The following PALS1 variants were observed in gnomAD, a reference collection of about 807,000 sequenced individuals.
PALS1 encodes the protein protein associated with LIN7 1, MAGUK p55 family member.
In PALS1, 31 loss-of-function variants were observed where a neutral mutation model predicts 78.9. The ratio of observed to expected loss-of-function variants is 0.39; its 90% CI spans 0.30 to 0.53. The LOEUF is 0.53. PALS1 is among the 20% of genes least tolerant of loss of function. PALS1 has a pLI of 0.67. For synonymous variants in PALS1, 276 were observed against 270.9 expected, an observed-to-expected ratio of 1.02 and a Z score of -0.18; for missense variants, 704 against 826.5, an observed-to-expected ratio of 0.85 and a Z score of 1.82.
intron 13 of PALS1, among the ~76,000 whole-genome samples, chr14:67,322,561 T>A (rs1211875903): frequency 1.3e-5 from 2 of 152,190 alleles, no homozygotes; most frequent in Non-Finnish European, 2.9e-5. Context: ...AAAATGGCTA[T>A]TCTAAAATAG....
At chr14:67,313,284 T>C (rs1330430640) in intron 9 of PALS1, among the ~76,000 whole-genome samples, 1 of 152,192 alleles carries the variant, frequency 6.6e-6, no homozygotes, top group Admixed American at 6.5e-5. Context: ...AGTACAGTCA[T>C]GCATCACTTA....
intron 8 of PALS1, among the ~76,000 whole-genome samples, chr14:67,310,573 C>T (rs1172148877): frequency 6.6e-6 from 1 of 152,116 alleles, no homozygotes; most frequent in Non-Finnish European, 1.5e-5. Context: ...ATTCACTATG[C>T]TATACACTTA....
chr14:67,245,465 A>G (rs907533069), intron 1 of PALS1, among the ~76,000 whole-genome samples: 1 of 152,054 alleles, frequency 6.6e-6, no homozygotes. Flanking sequence ...ACTTTTGCCC[A>G]TTTTTAAATT....
chr14:67,330,194 T>C (rs116096861), intron 14 of PALS1, among the ~76,000 whole-genome samples: 4,413 of 150,380 alleles, frequency 0.029, 87 homozygotes, highest in Non-Finnish European at 0.036. Flanking sequence ...TCAGACACTT[T>C]AGCAAAAGAA....
At chr14:67,325,654 T>C (rs1227155293) in intron 14 of PALS1, among the ~76,000 whole-genome samples, 5 of 152,206 alleles carry the variant, frequency 3.3e-5, no homozygotes, top group Non-Finnish European at 7.3e-5. Context: ...GGATGCGCAC[T>C]AAGGACCAGA....
chr14:67,284,846 A>C (rs2084661541), intron 3 of PALS1, among the ~76,000 whole-genome samples: 1 of 152,124 alleles, frequency 6.6e-6, no homozygotes, highest in African/African-American at 2.4e-5. Flanking sequence ...TTATGGATGA[A>C]TTAATATTCC....
chr14:67,311,412 A>T (rs2085087255), intron 8 of PALS1, among the ~76,000 whole-genome samples: 1 of 152,156 alleles, frequency 6.6e-6, no homozygotes, highest in South Asian at 2.1e-4. Flanking sequence ...TTGAGCCTGA[A>T]CTTGGAATTT....
chr14:67,318,796 G>A (rs1459068892), intron 11 of PALS1, among the ~76,000 whole-genome samples: 2 of 152,136 alleles, frequency 1.3e-5, no homozygotes, highest in African/African-American at 4.8e-5. Flanking sequence ...GGTGGGTCAT[G>A]CCTGTAATCC....
chr14:67,300,396 C>G (rs1350042314), intron 4 of PALS1, among the ~76,000 whole-genome samples: 1 of 146,816 alleles, frequency 6.8e-6, no homozygotes. Flanking sequence ...GGCGCCATCT[C>G]AGCTCACTGC....
At chr14:67,263,720 A>G (rs767382622) in intron 1 of PALS1, among the ~76,000 whole-genome samples, 15 of 152,204 alleles carry the variant, frequency 9.9e-5, no homozygotes, top group Non-Finnish European at 1.8e-4. Context: ...ACTGATGATA[A>G]CTTTGAGGAG....
chr14:67,244,314 A>G (rs144558940), intron 1 of PALS1, among the ~76,000 whole-genome samples: 156 of 152,364 alleles, frequency 1.0e-3, no homozygotes, highest in African/African-American at 3.4e-3. Context: ...TTTCAACATT[A>G]CTAGCTACAG....
At chr14:67,260,759 T>C (rs1289974291) in intron 1 of PALS1, among the ~76,000 whole-genome samples, 1 of 152,178 alleles carries the variant, frequency 6.6e-6, no homozygotes, top group Non-Finnish European at 1.5e-5. Flanking sequence ...AAATAAGTGC[T>C]ATAAGAGTTG....
chr14:67,245,065 T>C (rs2083967829), intron 1 of PALS1, among the ~76,000 whole-genome samples: 1 of 152,162 alleles, frequency 6.6e-6, no homozygotes, highest in Admixed American at 6.5e-5. Context: ...GTGTCTAGAA[T>C]CTTGAAGAGG....
chr14:67,297,251 T>G (rs2084870118), intron 4 of PALS1, among the ~76,000 whole-genome samples: 1 of 152,140 alleles, frequency 6.6e-6, no homozygotes, highest in Non-Finnish European at 1.5e-5. Flanking sequence ...TACCAGTCAG[T>G]GCAATAAAAC....
rs1261805190 is a variant in PALS1, at chr14:67,335,725, C to CTT, written c.*2772_*2773dup. On this transcript the variant is annotated 3_prime_UTR_variant, in exon 15 of 15. Coordinates refer to ENST00000261681, the MANE Select transcript of PALS1 (RefSeq NM_022474.4). ...TCTGTTGTTAATCCCCCTTTGTACT[C>CTT]TTTTCCTGTATCTGCACTGTTATTT... is the stretch of plus-strand genomic sequence containing the variant. 4 of 150,792 alleles carry CTT rather than the reference C, an allele frequency of 2.7e-5. No homozygotes were observed. 9.3% of individuals were successfully genotyped at this position (150,792 alleles called of 1,614,324 possible).
In PALS1 at chr14:67,336,026, C is replaced by A. The variant is rs913488485; in HGVS notation, c.*3070C>A. Among the ~76,000 whole-genome samples, 6 of 152,118 alleles carry A rather than the reference C, an allele frequency of 3.9e-5. No individual in the cohort carries two copies. Among genetic ancestry groups the A allele is most frequent in the African/African-American group, 1.4e-4 (6 of 41,400 alleles). On this transcript the variant is annotated 3_prime_UTR_variant, in exon 15 of 15. Transcript: ENST00000261681. ...GTCCTGTTTCCTTAATTATTAAAAC[C>A]AACAACTAAGTGTATTAAAGATGGA...
Position 67,332,855 on chromosome 14 carries a change from A to G in PALS1, c.1927A>G (p.Ile643Val), listed in dbSNP as rs1290412966. 18 of 1,613,998 alleles carry G rather than the reference A, an allele frequency of 1.1e-5. No homozygotes were observed. The highest frequency in any genetic ancestry group is 2.2e-5 in the South Asian group (2 of 91,090). ...QNNGHYFDTA[I>V]VNSDLDKAYQ... is the part of the protein sequence containing the mutation. ...CAATGGCCACTACTTTGATACGGCA[A>G]TTGTGAATTCCGATCTTGATAAAGC... is the stretch of plus-strand genomic sequence containing the variant. Residue 643 changes from isoleucine to valine, a missense_variant, in exon 15 of 15, where the codon ATT becomes GTT. Coordinates refer to ENST00000261681, the MANE Select transcript of PALS1 (RefSeq NM_022474.4).
At chr14:67,308,970 C>T (rs2085049939) in intron 8 of PALS1, among the ~76,000 whole-genome samples, 1 of 152,052 alleles carries the variant, frequency 6.6e-6, no homozygotes. Flanking sequence ...CCCATTTCAT[C>T]ATTACGACTT....
In PALS1 at chr14:67,303,518, A is replaced by G. The variant is rs200257073; in HGVS notation, c.964-4A>G. On this transcript the variant is annotated splice_polypyrimidine_tract_variant and splice_region_variant and intron_variant, in intron 7 of 14. Coordinates refer to ENST00000261681, the MANE Select transcript of PALS1 (RefSeq NM_022474.4). ...TAAAAAATAACCTGATCTTTCTATT[A>G]CAGTCTGATATGCATGGTACTTTGA... 5.9e-5 allele frequency: 95 copies of G among 1,607,572 alleles called. No homozygotes were observed. Among genetic ancestry groups the G allele is most frequent in the Middle Eastern group, 1.6e-4 (1 of 6,076 alleles).
Sources: allele counts gnomAD v4.1 joint callset (sites outside exome capture counted in the v4.1 genomes callset), GRCh38; gene constraint gnomAD v4.1.1; transcripts MANE v1.5; gene names NCBI Gene and HGNC (gene_info 2026-07-23, HGNC 2026-07-21).